MBNL1: variants seen among roughly 807,000 people sequenced by gnomAD.
MBNL1 encodes muscleblind like splicing regulator 1.
A neutral mutation model predicts 42.2 loss-of-function variants in MBNL1; 8 were observed. The observed-to-expected ratio is 0.19, with a 90% CI of 0.11 to 0.34. MBNL1 has a LOEUF of 0.34. Ranked by LOEUF, MBNL1 falls within the 10% of genes least tolerant of loss-of-function variation. MBNL1 has a pLI of 1.00. For synonymous variants in MBNL1, 169 were observed against 173.9 expected (o/e 0.97, Z 0.22); for missense variants, 309 against 495.3 (o/e 0.62, Z 3.57).
At chr3:152,350,092 G>A (rs571674050) in intron 2 of MBNL1, among the ~76,000 whole-genome samples, 33 of 152,092 alleles carry the variant, frequency 2.2e-4, no homozygotes, top group African/African-American at 5.8e-4. Flanking sequence ...AAACCTTGGC[G>A]CATCTCTCTA....
chr3:152,440,201 C>CT (rs1316732258), intron 4 of MBNL1, among the ~76,000 whole-genome samples: 2 of 152,110 alleles, frequency 1.3e-5, no homozygotes, highest in African/African-American at 4.8e-5. Flanking sequence ...TATGAGGTAG[C>CT]TAAAGTAGGT....
At chr3:152,438,687 T>C (rs906784564) in intron 4 of MBNL1, among the ~76,000 whole-genome samples, 2 of 152,216 alleles carry the variant, frequency 1.3e-5, no homozygotes, top group African/African-American at 2.4e-5. Flanking sequence ...GCCATGTGAT[T>C]CTAAATGCAA....
chr3:152,330,431 C>CA (rs1414212876), intron 2 of MBNL1, among the ~76,000 whole-genome samples: 1 of 152,022 alleles, frequency 6.6e-6, no homozygotes. Context: ...GACACCAGGA[C>CA]AAAAATCTGC....
chr3:152,246,674 T>C (rs2149352485), intron 2 of MBNL1, among the ~76,000 whole-genome samples: 1 of 152,214 alleles, frequency 6.6e-6, no homozygotes, highest in Non-Finnish European at 1.5e-5. Context: ...TGTGACATGA[T>C]TGTCTAAGAA....
At chr3:152,268,614 A>AT (rs1260380618), upstream of MBNL1, 2 of 396,116 alleles carry the variant, frequency 5.0e-6, no homozygotes, top group Non-Finnish European at 1.0e-5. Context: ...GAGATGGAAG[A>AT]TACCAACGGG....
At chr3:152,439,555 TG>T (rs914043977) in intron 4 of MBNL1, among the ~76,000 whole-genome samples, 2 of 152,230 alleles carry the variant, frequency 1.3e-5, no homozygotes, top group Non-Finnish European at 2.9e-5. Flanking sequence ...TTATGTAGGT[TG>T]TTTTTTTATA....
At chr3:152,427,042 A>T (rs1376681486) in intron 3 of MBNL1, among the ~76,000 whole-genome samples, 3 of 152,222 alleles carry the variant, frequency 2.0e-5, no homozygotes, top group African/African-American at 7.2e-5. Context: ...GGTTGAGATA[A>T]GGCACTTTAT....
intron 2 of MBNL1, among the ~76,000 whole-genome samples, chr3:152,251,965 G>A (rs1268135422): frequency 6.6e-6 from 1 of 151,980 alleles, no homozygotes; most frequent in African/African-American, 2.4e-5. Flanking sequence ...CCATTCTACT[G>A]TAAGCAAAAG....
At chr3:152,413,240 A>G (rs753927717) in intron 2 of MBNL1, among the ~76,000 whole-genome samples, 29 of 152,208 alleles carry the variant, frequency 1.9e-4, no homozygotes, top group Non-Finnish European at 3.7e-4. Context: ...GAGCATACCA[A>G]TAGCCATAAC....
At chr3:152,293,189 C>A (rs1423809804) in intron 1 of MBNL1, among the ~76,000 whole-genome samples, 2 of 152,158 alleles carry the variant, frequency 1.3e-5, no homozygotes, top group African/African-American at 4.8e-5. Flanking sequence ...TTGTGCATCA[C>A]CTGAAATTGC....
intron 8 of MBNL1, chr3:152,458,487 G>C: frequency 3.0e-6 from 1 of 329,228 alleles, no homozygotes; most frequent in Admixed American, 4.5e-5. Context: ...CTTTGCTCAG[G>C]GTCACACAGC....
At chr3:152,318,379 T>C (rs1327584164) in intron 2 of MBNL1, among the ~76,000 whole-genome samples, 1 of 152,232 alleles carries the variant, frequency 6.6e-6, no homozygotes, top group Non-Finnish European at 1.5e-5. Flanking sequence ...AGAAATTATG[T>C]AGCATCATTA....
upstream of MBNL1, chr3:152,266,586 G>C (rs1008022020): frequency 6.6e-6 from 1 of 152,166 alleles, no homozygotes. Flanking sequence ...TTAGTGGTTC[G>C]CAGGCATTCT....
At chr3:152,297,990 T>G (rs1384561923) in intron 1 of MBNL1, among the ~76,000 whole-genome samples, 1 of 152,206 alleles carries the variant, frequency 6.6e-6, no homozygotes, top group Non-Finnish European at 1.5e-5. Context: ...GTAGTCGTAC[T>G]GTAGTATTTT....
In MBNL1 at chr3:152,372,395, C is replaced by G. The variant is rs1165455445; in HGVS notation, c.175-42546C>G. On this transcript the variant is annotated intron_variant, in intron 2 of 9. Transcript: ENST00000324210. The stretch of plus-strand genomic sequence containing the variant: ...GAGGTGTTCTGGTTTTTGGAATTTT[C>G]AGCCTTCTTGTGCTGGTTTTTCCTC... 2.0e-5 allele frequency among the ~76,000 whole-genome samples: 3 copies of G among 152,314 alleles called. No homozygotes were observed. The East Asian group carries it at 5.8e-4, about 29-fold the overall frequency.
intron 1 of MBNL1, among the ~76,000 whole-genome samples, chr3:152,294,372 C>T (rs1297247006): frequency 6.7e-6 from 1 of 148,588 alleles, no homozygotes; most frequent in Non-Finnish European, 1.5e-5. Context: ...CAAGCTCTGC[C>T]TCCCAGGTTC....
chr3:152,447,834 A>G (rs1201264583), intron 6 of MBNL1, 61 bp downstream of exon 6: 7 of 1,506,108 alleles, frequency 4.6e-6, no homozygotes, highest in African/African-American at 2.8e-5. Context: ...CTACTGTTAG[A>G]GCAGATAAAC....
chr3:152,396,183 G>T (rs1289405395), intron 2 of MBNL1: 2 of 368,918 alleles, frequency 5.4e-6, no homozygotes, highest in Non-Finnish European at 5.5e-6. Context: ...CCATCTAGTT[G>T]CAGGAAAACA....
At position 152,456,454 on chromosome 3, in the gene MBNL1, G is replaced by C. The variant is rs539676362; in HGVS notation, c.1092+93G>C. Reference sequence around the variant, plus strand: ...GCACGTGGATTTCCCATTGAGGTCAGTGGGAATCGTGTGTACGTGAGGGCT... The same window carrying C: ...GCACGTGGATTTCCCATTGAGGTCACTGGGAATCGTGTGTACGTGAGGGCT... On this transcript the variant is annotated intron_variant, in intron 8 of 9. Coordinates refer to ENST00000324210, the MANE Select transcript of MBNL1 (RefSeq NM_021038.5). 3.8e-5 allele frequency: 38 copies of C among 1,001,694 alleles called. No individual in the cohort carries two copies. In the East Asian group the frequency reaches 8.9e-4, roughly 24 times the overall value. 62.1% of individuals were successfully genotyped at this position (1,001,694 alleles called of 1,614,324 possible). A position where few individuals can be genotyped will look rare whatever the true frequency, so the allele number is the denominator to read the frequency against.
Sources: gnomAD v4.1 joint callset for allele counts (sites outside exome capture counted in the v4.1 genomes callset) on GRCh38, gnomAD v4.1.1 for gene constraint, MANE v1.5 for transcripts, NCBI Gene and HGNC (gene_info 2026-07-23, HGNC 2026-07-21) for gene names.